Variants in DENND4A observed in about 807,000 individuals in gnomAD.
DENND4A encodes the protein DENN domain containing 4A, also known as C-myc promoter-binding protein.
Under a neutral mutation model 199.3 loss-of-function variants are expected in DENND4A, and 70 were observed. That is an observed-to-expected ratio of 0.35 (90% CI 0.29 to 0.43). DENND4A has a LOEUF of 0.43. Among genes scored for constraint, DENND4A ranks in the 20% least tolerant of loss-of-function variants. The probability of loss-of-function intolerance (pLI) is 1.00; values close to 1 mark genes in which losing one functional copy is unlikely to be tolerated. For missense variants in DENND4A, 1,723 were observed against 2,255.8 expected (o/e 0.76, Z 4.78); for synonymous variants, 686 against 766.9 (o/e 0.89, Z 1.74).
At chr15:65,789,323 A>T (rs1005958078) in intron 1 of DENND4A, among the ~76,000 whole-genome samples, 1 of 152,160 alleles carries the variant, frequency 6.6e-6, no homozygotes, top group Non-Finnish European at 1.5e-5. Flanking sequence ...AAGGGCTGTA[A>T]TAACAGGCGT....
rs934802608 is a variant in DENND4A at position 65,731,657 on chromosome 15, G to A, written c.1151C>T (p.Ser384Leu). The change falls in exon 9 of 33, where the codon TCA becomes TTA. Residue 384 changes from serine to leucine, a missense_variant. By Grantham distance (145) the Ser-to-Leu change is moderately radical. Around this residue, in one of 6 missense-constraint regions of DENND4A, gnomAD observed 725 missense variants for 952.9 expected, o/e 0.76. Transcript: ENST00000443035. ...DNLILSQPVSSPLPLSGGKFS... is the reference protein window; with the variant it reads ...DNLILSQPVSLPLPLSGGKFS... Reference sequence around the variant, plus strand: ...TTTTACTTGCCTTAGTGGAAGAGGTGAAGACACAGGCTGACTGAGAATCAG... The same window carrying A: ...TTTTACTTGCCTTAGTGGAAGAGGTAAAGACACAGGCTGACTGAGAATCAG... The A allele has an allele frequency of 9.6e-6, 15 of 1,559,990 alleles. No homozygotes were observed. The highest frequency in any genetic ancestry group is 1.9e-5 in the Admixed American group (1 of 52,796).
Position 65,756,155 on chromosome 15 carries a change from G to A in DENND4A, c.296C>T (p.Pro99Leu). The A allele has an allele frequency of 1.2e-6, 2 of 1,607,346 alleles. No homozygotes were observed. Among genetic ancestry groups the A allele is most frequent in the Non-Finnish European group, 8.5e-7 (1 of 1,176,820 alleles). Residue 99 changes from proline (P) to leucine (L), a missense_variant, in exon 3 of 33, where the codon CCA becomes CTA. Coordinates refer to ENST00000443035, the MANE Select transcript of DENND4A (RefSeq NM_001320835.1). ...AAATACTTACCCCAGATCTGTAAGTGGAGGCTTATCTCTTCCTCTTCTATA... is the reference window on the plus strand; with the variant it reads ...AAATACTTACCCCAGATCTGTAAGTAGAGGCTTATCTCTTCCTCTTCTATA... ...LCYRRGRDKPPLTDLGVLYDW... is the reference protein window; with the variant it reads ...LCYRRGRDKPLLTDLGVLYDW...
At chr15:65,684,950 A>T (rs2076710488) in intron 23 of DENND4A, among the ~76,000 whole-genome samples, 1 of 147,948 alleles carries the variant, frequency 6.8e-6, no homozygotes. Context: ...TCAGCCTCCC[A>T]AGTAGCTGGG....
At chr15:65,701,483 A>G (rs2074866098) in intron 18 of DENND4A, among the ~76,000 whole-genome samples, 2 of 152,034 alleles carry the variant, frequency 1.3e-5, no homozygotes, top group East Asian at 3.9e-4. Context: ...GGGAAGATCA[A>G]TTGAGCCTGG....
rs555351725 is a variant in DENND4A at position 65,729,588 on chromosome 15, A to T, written c.1257T>A (p.Leu419=). The T allele has an allele frequency of 5.0e-6, 8 of 1,600,986 alleles. No homozygotes were observed. In the Admixed American group the frequency reaches 1.2e-4, roughly 24 times the overall value. Residue 419 remains leucine (L), a synonymous_variant, in exon 10 of 33, where the codon CTT becomes CTA. Coordinates refer to ENST00000443035, the MANE Select transcript of DENND4A (RefSeq NM_001320835.1). The part of the protein sequence containing the change: ...LVFAVTEHKI[L]IHSLRPSVLT... ...GCACGGATGGCCGTAGGGAATGGATAAGAATTTTATGTTCTGTTACTGCAA... is the reference window on the plus strand; with the variant it reads ...GCACGGATGGCCGTAGGGAATGGATTAGAATTTTATGTTCTGTTACTGCAA...
At chr15:65,788,829 T>C (rs2077636933) in intron 1 of DENND4A, among the ~76,000 whole-genome samples, 1 of 137,770 alleles carries the variant, frequency 7.3e-6, no homozygotes, top group South Asian at 2.3e-4. Context: ...CACCCCAGCC[T>C]GGGTGACAGA....
intron 1 of DENND4A, among the ~76,000 whole-genome samples, chr15:65,768,835 AAAG>A (rs901036853): frequency 6.6e-6 from 1 of 151,916 alleles, no homozygotes; most frequent in Non-Finnish European, 1.5e-5. Context: ...AATACAAAAA[AAAG>A]AAAAAAATAG....
chr15:65,769,003 C>T (rs1463683537), intron 1 of DENND4A, among the ~76,000 whole-genome samples: 3 of 150,018 alleles, frequency 2.0e-5, no homozygotes, highest in Non-Finnish European at 3.0e-5. Context: ...TCAAAAAAAA[C>T]CAAAAAACAA....
At position 65,660,265 on chromosome 15, in the gene DENND4A, C is replaced by T; in HGVS notation, c.*1586G>A. 6.5e-7 allele frequency: 1 copy of T among 1,532,770 alleles called. No homozygotes were observed. Among genetic ancestry groups the T allele is most frequent in the Non-Finnish European group, 8.7e-7 (1 of 1,144,302 alleles). 94.9% of individuals were successfully genotyped at this position (1,532,770 alleles called of 1,614,324 possible). A position where few individuals can be genotyped will look rare whatever the true frequency, so the allele number is the denominator to read the frequency against. On this transcript the variant is annotated 3_prime_UTR_variant, in exon 33 of 33. Transcript: ENST00000443035. ...GAAGTTTTACATTTTTAAACTCTCT[C>T]CATTATTTCCCAGAGTTGGAAGCTG... is the stretch of plus-strand genomic sequence containing the variant.
intron 14 of DENND4A, among the ~76,000 whole-genome samples, chr15:65,712,555 A>T (rs1371726977): frequency 6.6e-6 from 1 of 152,220 alleles, no homozygotes; most frequent in African/African-American, 2.4e-5. Flanking sequence ...TTCCCAATGT[A>T]GTATGTTTTT....
chr15:65,674,209 TGATA>T (rs1489424236), intron 24 of DENND4A, among the ~76,000 whole-genome samples: 1 of 152,214 alleles, frequency 6.6e-6, no homozygotes, highest in Non-Finnish European at 1.5e-5. Context: ...TTGATATATA[TGATA>T]AATATCACTT....
At chr15:65,662,952 T>C (rs1373952851) in intron 32 of DENND4A, among the ~76,000 whole-genome samples, 1 of 152,112 alleles carries the variant, frequency 6.6e-6, no homozygotes, top group East Asian at 1.9e-4. Context: ...GACTACAGTC[T>C]GGGCTTGTAT....
chr15:65,768,476 A>G (rs976850114), intron 1 of DENND4A, among the ~76,000 whole-genome samples: 2 of 152,196 alleles, frequency 1.3e-5, no homozygotes, highest in Non-Finnish European at 2.9e-5. Context: ...AGCCCCCTCC[A>G]ACCTTCCCAA....
chr15:65,707,905 GGA>G (rs2075115657), intron 14 of DENND4A, among the ~76,000 whole-genome samples: 1 of 151,858 alleles, frequency 6.6e-6, no homozygotes, highest in Admixed American at 6.6e-5. Context: ...AGGCTGGTCA[GGA>G]GCTCCTGACC....
intron 14 of DENND4A, among the ~76,000 whole-genome samples, chr15:65,714,696 T>C (rs1350834976): frequency 6.6e-6 from 1 of 152,222 alleles, no homozygotes; most frequent in Non-Finnish European, 1.5e-5. Flanking sequence ...ACACTGCATG[T>C]TGTGCTCACC....
At chr15:65,665,625 T>A (rs2076010210) in intron 29 of DENND4A, among the ~76,000 whole-genome samples, 163 bp from the exon 30 acceptor site, 1 of 152,176 alleles carries the variant, frequency 6.6e-6, no homozygotes, top group South Asian at 2.1e-4. Flanking sequence ...TACAGGAAGA[T>A]GGGCTGTGTG....
At position 65,691,307 on chromosome 15, in the gene DENND4A, G is replaced by T. The variant is rs771669899; in HGVS notation, c.3287C>A (p.Thr1096Asn). The T allele has an allele frequency of 1.2e-6, 2 of 1,613,382 alleles. No homozygotes were observed. The highest frequency in any genetic ancestry group is 2.2e-5 in the South Asian group (2 of 91,028). Reference protein sequence around the residue: ...FMLNRINQEATPGDIVEKLGA... With the variant: ...FMLNRINQEANPGDIVEKLGA... ...CAATTTTTCAACTATATCTCCAGGG[G>T]TTGCTTCCTGGTTAATTCTATTGAG... is the stretch of plus-strand genomic sequence containing the variant. The change falls in exon 23 of 33, where the codon ACC (threonine) becomes AAC (asparagine). Residue 1096 changes from threonine to asparagine, a missense_variant. Thr to Asn is a moderately conservative substitution (Grantham distance 65, BLOSUM62 0). Around this residue, in one of 6 missense-constraint regions of DENND4A, gnomAD observed 650 missense variants for 738.1 expected, o/e 0.88. Transcript: ENST00000443035.
chr15:65,735,546 C>T (rs2076090079), intron 7 of DENND4A, among the ~76,000 whole-genome samples: 2 of 152,102 alleles, frequency 1.3e-5, no homozygotes, highest in South Asian at 4.1e-4. Flanking sequence ...CTAGTAGTTG[C>T]TATATTCTTT....
At chr15:65,702,752 T>A in intron 16 of DENND4A, 121 bp downstream of exon 16, 2 of 1,051,960 alleles carry the variant, frequency 1.9e-6, no homozygotes, top group Non-Finnish European at 2.8e-6. Flanking sequence ...CACAGTGCTT[T>A]GGTGAACATA....
Sources: gnomAD v4.1 joint callset for allele counts (sites outside exome capture counted in the v4.1 genomes callset) on GRCh38, gnomAD v4.1.1 for gene constraint, gnomAD v4.1.1 regional missense constraint, MANE v1.5 for transcripts, NCBI Gene and HGNC (gene_info 2026-07-23, HGNC 2026-07-21) for gene names.